Variants in LRRC37A2 observed in about 807,000 individuals in gnomAD.
LRRC37A2 encodes the protein leucine rich repeat containing 37 member A2, also known as leucine-rich repeat-containing protein 37A2.
In LRRC37A2, 9 loss-of-function variants were observed where a neutral mutation model predicts 68.8. The ratio of observed to expected loss-of-function variants is 0.13; its 90% CI spans 0.08 to 0.23. The LOEUF (loss-of-function observed/expected upper bound fraction) is 0.23. Among genes scored for constraint, LRRC37A2 ranks in the 10% least tolerant of loss-of-function variants. The pLI, the probability that LRRC37A2 is intolerant of heterozygous loss-of-function variation, is 1.00. For synonymous variants in LRRC37A2, 63 were observed against 367.6 expected (o/e 0.17, Z 9.48); for missense variants, 168 against 950.4 (o/e 0.18, Z 10.82).
At chr17:46,405,991 A>G in the LRRC37A2 span, among the ~76,000 whole-genome samples, 1 of 136,694 alleles carries the variant, frequency 7.3e-6, no homozygotes, top group African/African-American at 2.7e-5. Flanking sequence ...TTCTCAATCT[A>G]TAGGAGATAC....
At chr17:47,020,022 T>C in the LRRC37A2 span, among the ~76,000 whole-genome samples, 2 of 148,858 alleles carry the variant, frequency 1.3e-5, no homozygotes, top group African/African-American at 2.5e-5. Flanking sequence ...CGTTTTCGTA[T>C]CCATTTTTAT....
chr17:46,720,234 C>T, the LRRC37A2 span, among the ~76,000 whole-genome samples: 3 of 152,122 alleles, frequency 2.0e-5, no homozygotes, highest in Non-Finnish European at 2.9e-5. Flanking sequence ...GTGGGCACTC[C>T]GGAAGTGACT....
At chr17:46,778,545 TGCCC>T in the LRRC37A2 span, among the ~76,000 whole-genome samples, 1 of 152,106 alleles carries the variant, frequency 6.6e-6, no homozygotes, top group Admixed American at 6.5e-5. Context: ...CTGAGCCTCC[TGCCC>T]GCACACTGCT....
the LRRC37A2 span, chr17:46,923,117 G>A: frequency 2.8e-6 from 3 of 1,070,616 alleles, no homozygotes; most frequent in East Asian, 2.6e-5. Context: ...ACCGGAAGCC[G>A]GAAACCGGAA....
At chr17:47,018,139 C>A in the LRRC37A2 span, 3 of 1,570,168 alleles carry the variant, frequency 1.9e-6, no homozygotes, top group East Asian at 2.2e-5. Context: ...ACCAATGAGA[C>A]AGAATCTTCC....
At chr17:46,811,568 C>G in the LRRC37A2 span, among the ~76,000 whole-genome samples, 1 of 152,122 alleles carries the variant, frequency 6.6e-6, no homozygotes, top group Non-Finnish European at 1.5e-5. Flanking sequence ...GAGACCTGAG[C>G]AACAGAAAAG....
At chr17:46,867,399 TTAA>T in the LRRC37A2 span, among the ~76,000 whole-genome samples, 2 of 152,028 alleles carry the variant, frequency 1.3e-5, no homozygotes, top group Admixed American at 1.3e-4. Flanking sequence ...CTCTCATGAG[TTAA>T]GGTGTATTTG....
the LRRC37A2 span, chr17:46,833,504 C>T: frequency 8.7e-6 from 4 of 457,308 alleles, no homozygotes; most frequent in South Asian, 6.2e-5. Context: ...ACCTCACTGC[C>T]TGACTTCTCT....
chr17:46,769,688 G>C, the LRRC37A2 span: 1 of 1,536,970 alleles, frequency 6.5e-7, no homozygotes, highest in Non-Finnish European at 8.8e-7. Flanking sequence ...CGACCCACAG[G>C]GCTGCCGGAA....
chr17:46,912,436 A>G, the LRRC37A2 span, among the ~76,000 whole-genome samples: 6 of 152,196 alleles, frequency 3.9e-5, no homozygotes, highest in Admixed American at 1.3e-4. Context: ...GGGGCTTTCC[A>G]GCCCCTTTTA....
the LRRC37A2 span, among the ~76,000 whole-genome samples, chr17:46,498,888 T>C: frequency 6.6e-6 from 1 of 150,856 alleles, no homozygotes; most frequent in Non-Finnish European, 1.5e-5. Flanking sequence ...TATACGTATA[T>C]ATATCTACAT....
chr17:46,502,125 C>T, the LRRC37A2 span, among the ~76,000 whole-genome samples: 1 of 151,166 alleles, frequency 6.6e-6, no homozygotes, highest in South Asian at 2.1e-4. Context: ...GAGACCACTT[C>T]ATAAGCTTTA....
At chr17:46,804,516 A>C in the LRRC37A2 span, among the ~76,000 whole-genome samples, 1 of 152,228 alleles carries the variant, frequency 6.6e-6, no homozygotes, top group African/African-American at 2.4e-5. Flanking sequence ...GAAGCCTCTA[A>C]ATCAGAGAGC....
chr17:47,022,199 C>T, the LRRC37A2 span, among the ~76,000 whole-genome samples: 1,550 of 26,884 alleles, frequency 0.058, 9 homozygotes, highest in Non-Finnish European at 0.084. Context: ...GAGACAGGTT[C>T]TTACTTTGTC....
At chr17:46,752,840 C>T in the LRRC37A2 span, among the ~76,000 whole-genome samples, 1 of 152,076 alleles carries the variant, frequency 6.6e-6, no homozygotes. Context: ...GATCTCGGCT[C>T]ACTGCAGCTT....
chr17:46,977,540 G>A, the LRRC37A2 span, among the ~76,000 whole-genome samples: 1 of 152,248 alleles, frequency 6.6e-6, no homozygotes, highest in Non-Finnish European at 1.5e-5. Context: ...TGCAGGAGGC[G>A]TGGGTTTCTG....
the LRRC37A2 span, chr17:46,933,560 G>A: frequency 5.3e-5 from 8 of 151,554 alleles, no homozygotes; most frequent in Non-Finnish European, 1.0e-4. Flanking sequence ...TCCCCTGTTA[G>A]CAGGGGCAGT....
At chr17:46,469,656 C>A in the LRRC37A2 span, among the ~76,000 whole-genome samples, 1 of 70,826 alleles carries the variant, frequency 1.4e-5, no homozygotes, top group Non-Finnish European at 3.5e-5. Flanking sequence ...GAGGCCTTTC[C>A]AAATAGATGT....
At chr17:46,987,830 T>G in the LRRC37A2 span, among the ~76,000 whole-genome samples, 2 of 152,244 alleles carry the variant, frequency 1.3e-5, no homozygotes, top group Non-Finnish European at 2.9e-5. Context: ...CTATAAACCT[T>G]ATAGCATATA....
Sources: gnomAD v4.1 joint callset for allele counts (sites outside exome capture counted in the v4.1 genomes callset) on GRCh38, gnomAD v4.1.1 for gene constraint, MANE v1.5 for transcripts, NCBI Gene and HGNC (gene_info 2026-07-23, HGNC 2026-07-21) for gene names.